SAP130: variants seen among roughly 807,000 people sequenced by gnomAD.
SAP130 encodes the protein histone deacetylase complex subunit SAP130.
A neutral mutation model predicts 103.2 loss-of-function variants in SAP130; 16 were observed. The observed-to-expected ratio is 0.16, with a 90% CI of 0.10 to 0.24. SAP130 has a LOEUF of 0.24. SAP130 is among the 10% of genes least tolerant of loss of function. The pLI is 1.00. For missense variants in SAP130, 990 were observed against 1,359.7 expected (o/e 0.73, Z 4.28); for synonymous variants, 477 against 497.0 (o/e 0.96, Z 0.53).
intron 15 of SAP130, among the ~76,000 whole-genome samples, chr2:127,964,794 C>T (rs1215003380): frequency 6.6e-6 from 1 of 151,714 alleles, no homozygotes; most frequent in African/African-American, 2.4e-5. Context: ...GCCAGAAGTT[C>T]GAGACCAGCC....
chr2:128,001,713 G>C lies in SAP130; in HGVS notation c.870-1259C>G, dbSNP rs569718753. Among the ~76,000 whole-genome samples, 4 of 152,222 alleles carry C rather than the reference G, an allele frequency of 2.6e-5. No homozygotes were observed. In the South Asian group the frequency reaches 8.3e-4, roughly 32 times the overall value. ...AGTTATAGCATCATAGCCTCGGTGT[G>C]TAGTAGGTAACACCATCTAGGTTTG... On this transcript the variant is annotated intron_variant, in intron 7 of 20. Coordinates refer to ENST00000643581, the MANE Select transcript of SAP130 (RefSeq NM_001330301.2).
At position 127,996,281 on chromosome 2, in the gene SAP130, G is replaced by T; in HGVS notation, c.1355+69C>A. 1 of 1,380,744 alleles carries T rather than the reference G, an allele frequency of 7.2e-7. No individual in the cohort carries two copies. The highest frequency in any genetic ancestry group is 2.7e-5 in the East Asian group (1 of 37,446). 85.5% of individuals were successfully genotyped at this position (1,380,744 alleles called of 1,614,324 possible). On this transcript the variant is annotated intron_variant, in intron 11 of 20. Transcript: ENST00000643581. This position sits in a 1 kb window ranked among gnomAD's most constrained non-coding sequence, Gnocchi z 4.3. ...ATAGGCCATATTTGTGGGACACTTT[G>T]TTTTATGCTGATAAAGCAGAACGAT...
chr2:128,018,058 A>G, intron 2 of SAP130, 143 bp from the exon 3 acceptor site: 1 of 640,690 alleles, frequency 1.6e-6, no homozygotes, highest in South Asian at 1.9e-5. Flanking sequence ...CAAGGTCAAT[A>G]TGGGCACTGG....
At chr2:127,965,868 C>T (rs942530202) in intron 15 of SAP130, among the ~76,000 whole-genome samples, 4 of 151,342 alleles carry the variant, frequency 2.6e-5, no homozygotes, top group Non-Finnish European at 4.4e-5. Flanking sequence ...ATTATTATTT[C>T]GATTTATTAT....
intron 2 of SAP130, among the ~76,000 whole-genome samples, chr2:128,021,581 G>C (rs1043216878): frequency 1.3e-5 from 2 of 152,038 alleles, no homozygotes; most frequent in African/African-American, 4.8e-5. Context: ...CTTTATTGGG[G>C]AATAGATTAC....
intron 6 of SAP130, among the ~76,000 whole-genome samples, chr2:128,012,029 G>T (rs1684432093): frequency 6.6e-6 from 1 of 152,112 alleles, no homozygotes; most frequent in African/African-American, 2.4e-5. Flanking sequence ...GCCCAAGGCG[G>T]TTTCAAACTC....
intron 15 of SAP130, among the ~76,000 whole-genome samples, chr2:127,971,108 A>T (rs1252779310): frequency 6.6e-6 from 1 of 151,012 alleles, no homozygotes; most frequent in Non-Finnish European, 1.5e-5. Flanking sequence ...ATACCACCAC[A>T]CCTGGCCAAT....
intron 10 of SAP130, among the ~76,000 whole-genome samples, chr2:127,998,261 T>C (rs1294523000): frequency 2.6e-5 from 4 of 152,352 alleles, no homozygotes; most frequent in Middle Eastern, 6.8e-3. Flanking sequence ...TTGCTTTCCA[T>C]AATTCTGAGA....
intron 12 of SAP130, among the ~76,000 whole-genome samples, chr2:127,992,030 G>T (rs1032644715): frequency 6.6e-6 from 1 of 152,122 alleles, no homozygotes; most frequent in Non-Finnish European, 1.5e-5. Context: ...GGAGTGCAGT[G>T]GCGCCATCAT....
At position 127,941,961 on chromosome 2, in the gene SAP130, A is replaced by G; in HGVS notation, c.*45T>C. On this transcript the variant is annotated 3_prime_UTR_variant, in exon 21 of 21. Coordinates refer to ENST00000643581, the MANE Select transcript of SAP130 (RefSeq NM_001330301.2). ...CCAAAACCCTCCCCCCACCCCCACC[A>G]TCATTCTTCATAAATTTGCTTCCAA... is the stretch of plus-strand genomic sequence containing the variant. The G allele has an allele frequency of 6.5e-6, 2 of 308,972 alleles. No homozygotes were observed. The highest frequency in any genetic ancestry group is 4.3e-5 in the African/African-American group (1 of 23,460). 19.1% of individuals were successfully genotyped at this position (308,972 alleles called of 1,614,324 possible). A position where few individuals can be genotyped will look rare whatever the true frequency, so the allele number is the denominator to read the frequency against.
chr2:127,982,796 C>T (rs1334208064), intron 14 of SAP130, among the ~76,000 whole-genome samples: 2 of 152,054 alleles, frequency 1.3e-5, no homozygotes, highest in African/African-American at 4.8e-5. Context: ...ACCACAGACT[C>T]TGAATCAGGA....
At chr2:128,003,989 T>G (rs894069529) in intron 7 of SAP130, among the ~76,000 whole-genome samples, 1 of 117,268 alleles carries the variant, frequency 8.5e-6, no homozygotes, top group East Asian at 2.4e-4. Flanking sequence ...TTTTTTTTTT[T>G]GTTGACAGCC....
Position 127,950,278 on chromosome 2 carries a change from C to G in SAP130, c.2553G>C (p.Val851=), listed in dbSNP as rs143251386. The G allele has an allele frequency of 2.4e-5, 38 of 1,614,070 alleles. No homozygotes were observed. The highest frequency in any genetic ancestry group is 2.9e-5 in the Non-Finnish European group (34 of 1,180,042). The change falls in exon 17 of 21, where the codon GTG becomes GTC. Residue 851 remains valine (V), a synonymous_variant. Coordinates refer to ENST00000643581, the MANE Select transcript of SAP130 (RefSeq NM_001330301.2). ...TCATGTCACCTTCTTCTGTTGAGAT[C>G]ACATGCTGTTGCTTTCGAGGCTTTT... ...PRKKPRKQQH[V]ISTEEGDMME...
At chr2:128,013,513 ACATTG>A (rs1684549153) in intron 5 of SAP130, among the ~76,000 whole-genome samples, 1 of 152,160 alleles carries the variant, frequency 6.6e-6, no homozygotes, top group East Asian at 1.9e-4. Flanking sequence ...GCAGACGTCG[ACATTG>A]CCAAAGGGAC....
Position 127,996,315 on chromosome 2 carries a change from CA to C in SAP130, c.1355+34del. On this transcript the variant is annotated intron_variant, in intron 11 of 20. Transcript: ENST00000643581. The surrounding 1 kb of genome is among the most constrained non-coding windows in gnomAD (Gnocchi z 4.3). ...TGATAAAGCAGAACGATTAATGACACAGTGAGGCAGAATAACTGACACACAG... is the reference window on the plus strand; with the variant it reads ...TGATAAAGCAGAACGATTAATGACACGTGAGGCAGAATAACTGACACACAG... The C allele has an allele frequency of 6.5e-7, 1 of 1,541,310 alleles. No homozygotes were observed. Among genetic ancestry groups the C allele is most frequent in the Non-Finnish European group, 8.8e-7 (1 of 1,139,770 alleles).
chr2:127,971,959 G>A (rs918455881), intron 15 of SAP130, among the ~76,000 whole-genome samples: 1 of 152,188 alleles, frequency 6.6e-6, no homozygotes, highest in Admixed American at 6.5e-5. Context: ...AGTGAATGGA[G>A]TTGGCTATTT....
intron 15 of SAP130, among the ~76,000 whole-genome samples, chr2:127,967,095 G>C (rs1323877043): frequency 1.3e-5 from 2 of 152,150 alleles, no homozygotes; most frequent in Non-Finnish European, 2.9e-5. Context: ...GATTCATCAA[G>C]AAGATCAAAG....
At chr2:128,019,985 A>C (rs1342365819) in intron 2 of SAP130, among the ~76,000 whole-genome samples, 1 of 152,200 alleles carries the variant, frequency 6.6e-6, no homozygotes, top group Admixed American at 6.5e-5. Context: ...TTTCCAAAAT[A>C]ATTTTTTTTC....
At position 127,978,052 on chromosome 2, in the gene SAP130, G is replaced by T. The variant is rs1681598814; in HGVS notation, c.1996C>A (p.Pro666Thr). 6.4e-7 allele frequency: 1 copy of T among 1,551,822 alleles called. No homozygotes were observed. Among genetic ancestry groups the T allele is most frequent in the East Asian group, 2.4e-5 (1 of 40,918 alleles). Reference sequence around the variant, plus strand: ...TCCACTCGAGGACTAGCAACATCAGGAGGCTGAGGAGGAATGAGGGTTTTC... The same window carrying T: ...TCCACTCGAGGACTAGCAACATCAGTAGGCTGAGGAGGAATGAGGGTTTTC... ...VRKTLIPPQP[P>T]DVASPRVESS... is the part of the protein sequence containing the mutation. The change falls in exon 15 of 21, where the codon CCT becomes ACT. Residue 666 changes from proline to threonine, a missense_variant. By Grantham distance (38) the Pro-to-Thr change is conservative. Transcript: ENST00000643581.
Sources: gnomAD v4.1 joint callset for allele counts (sites outside exome capture counted in the v4.1 genomes callset) on GRCh38, gnomAD v4.1.1 for gene constraint, Gnocchi (gnomAD v3.1) non-coding constraint, MANE v1.5 for transcripts, NCBI Gene and HGNC (gene_info 2026-07-23, HGNC 2026-07-21) for gene names.